The following VRK1 variants were observed in gnomAD, a reference collection of about 807,000 sequenced individuals.
VRK1 encodes the protein serine/threonine-protein kinase VRK1.
VRK1 carries 33 observed loss-of-function variants against 57.1 expected under a neutral mutation model. That is an observed-to-expected ratio of 0.58 (90% CI 0.44 to 0.77). The LOEUF (loss-of-function observed/expected upper bound fraction) is 0.77. Ranked by LOEUF, VRK1 falls within the 30% of genes least tolerant of loss-of-function variation. The pLI is 0.00. For missense variants in VRK1, 413 were observed against 477.3 expected (o/e 0.87, Z 1.25); for synonymous variants, 137 against 147.8 (o/e 0.93, Z 0.53).
chr14:96,856,507 T>G lies in VRK1; in HGVS notation c.831-21T>G. On this transcript the variant is annotated intron_variant, in intron 9 of 12. Transcript: ENST00000216639. ...ACATATGACATCAAGCTTCAGTGAC[T>G]CATTCTTTAATTTTTAACAGATACA... 1.9e-6 allele frequency: 3 copies of G among 1,599,562 alleles called. No individual in the cohort carries two copies. In the South Asian group the frequency reaches 3.3e-5, roughly 18 times the overall value.
chr14:96,820,387 C>A (rs1223282941), intron 1 of VRK1, among the ~76,000 whole-genome samples: 1 of 152,142 alleles, frequency 6.6e-6, no homozygotes, highest in Admixed American at 6.5e-5. Flanking sequence ...TCGATGATTG[C>A]TCTCAATTGA....
At chr14:96,823,315 C>T (rs1056336737) in intron 1 of VRK1, among the ~76,000 whole-genome samples, 13 of 152,336 alleles carry the variant, frequency 8.5e-5, no homozygotes, top group African/African-American at 3.1e-4. Context: ...CAGTGCTTGG[C>T]ACATTGTAGA....
Position 96,846,305 on chromosome 14 carries a change from G to A in VRK1, c.286+141G>A, listed in dbSNP as rs1951311. ...TAAATTCCACTTACATGGGATTTGT[G>A]TGAAAGAATTCTGGTCTTTTAATGG... On this transcript the variant is annotated intron_variant, in intron 4 of 12. Coordinates refer to ENST00000216639, the MANE Select transcript of VRK1 (RefSeq NM_003384.3). The A allele has an allele frequency of 0.62, 478,954 of 777,724 alleles. 152,837 individuals are homozygous for A. The highest frequency in any genetic ancestry group is 0.69 in the African/African-American group (39,435 of 56,882). 48.2% of individuals were successfully genotyped at this position (777,724 alleles called of 1,614,324 possible).
chr14:96,816,348 A>G (rs568161116), intron 1 of VRK1, among the ~76,000 whole-genome samples: 1 of 152,256 alleles, frequency 6.6e-6, no homozygotes, highest in East Asian at 1.9e-4. Context: ...ATGAATGACT[A>G]CCGCTGCTTT....
chr14:96,812,915 T>A (rs908543901), intron 1 of VRK1, among the ~76,000 whole-genome samples: 4 of 152,356 alleles, frequency 2.6e-5, no homozygotes, highest in Non-Finnish European at 5.9e-5. Flanking sequence ...TGCTTGGCTT[T>A]GACTTTAATC....
chr14:96,860,862 T>A lies in VRK1; in HGVS notation c.1068+127T>A, dbSNP rs777462133. On this transcript the variant is annotated intron_variant, in intron 11 of 12. Transcript: ENST00000216639. ...ATTGCATGGCAATTAAGGCAAACAT[T>A]TTTTGTAATACAGAAAATGTGTAGA... 3.3e-6 allele frequency: 3 copies of A among 921,124 alleles called. No homozygotes were observed. In the African/African-American group the frequency reaches 5.0e-5, roughly 16 times the overall value. The allele number at this position is 921,124 out of a possible 1,614,324, so 57.1% of individuals were successfully genotyped here.
chr14:96,856,488 G>T, intron 9 of VRK1, 40 bp from the exon 10 acceptor site: 1 of 1,530,812 alleles, frequency 6.5e-7, no homozygotes, highest in South Asian at 1.1e-5. Flanking sequence ...ATTAACATAT[G>T]ACATCAAGCT....
At chr14:96,819,024 T>C (rs546986309) in intron 1 of VRK1, among the ~76,000 whole-genome samples, 2 of 152,372 alleles carry the variant, frequency 1.3e-5, no homozygotes, top group African/African-American at 4.8e-5. Flanking sequence ...TTTAGATGTA[T>C]TGCTTTCAAA....
At chr14:96,816,211 TCTC>T (rs1475808314) in intron 1 of VRK1, among the ~76,000 whole-genome samples, 1 of 152,120 alleles carries the variant, frequency 6.6e-6, no homozygotes, top group East Asian at 1.9e-4. Context: ...TAGGCCATGT[TCTC>T]CTACTAAACA....
chr14:96,838,664 C>T (rs76586134), intron 3 of VRK1, among the ~76,000 whole-genome samples: 1,622 of 152,250 alleles, frequency 0.011, 24 homozygotes, highest in South Asian at 0.055. Context: ...TTAATTACCT[C>T]CCACCAGCTC....
chr14:96,876,905 G>T (rs1889059342), intron 12 of VRK1, among the ~76,000 whole-genome samples: 1 of 152,102 alleles, frequency 6.6e-6, no homozygotes, highest in Admixed American at 6.5e-5. Context: ...GGCAGCATCT[G>T]CAAAGGGCAG....
At chr14:96,846,804 C>T (rs1887714440) in intron 4 of VRK1, among the ~76,000 whole-genome samples, 1 of 151,042 alleles carries the variant, frequency 6.6e-6, no homozygotes, top group Admixed American at 6.6e-5. Context: ...ATTGACATAG[C>T]ATTTACATTG....
chr14:96,806,440 A>C (rs1885881461), intron 1 of VRK1, among the ~76,000 whole-genome samples: 1 of 152,184 alleles, frequency 6.6e-6, no homozygotes, highest in South Asian at 2.1e-4. Flanking sequence ...CATTGTCCTG[A>C]TACTTGTGGA....
chr14:96,811,022 T>C (rs1469571757), intron 1 of VRK1, among the ~76,000 whole-genome samples: 1 of 152,010 alleles, frequency 6.6e-6, no homozygotes, highest in Admixed American at 6.6e-5. Flanking sequence ...CTCCGCCTCC[T>C]GGGTTCAAGC....
chr14:96,844,534 C>T (rs1887597113), intron 3 of VRK1, among the ~76,000 whole-genome samples: 1 of 152,044 alleles, frequency 6.6e-6, no homozygotes, highest in Non-Finnish European at 1.5e-5. Context: ...AATCCGTTTT[C>T]CTCTAAGTAC....
chr14:96,862,833 T>C lies in VRK1; in HGVS notation c.1068+2098T>C, dbSNP rs117049868. On this transcript the variant is annotated intron_variant, in intron 11 of 12. Transcript: ENST00000216639. The stretch of plus-strand genomic sequence containing the variant: ...AATTTTAATAATTAGTACATTTGTT[T>C]CCTCTCTTTTCGTTTGTCATAATTT... 7.3e-3 allele frequency among the ~76,000 whole-genome samples: 1,112 copies of C among 152,330 alleles called. 10 individuals are homozygous for C. The highest frequency in any genetic ancestry group is 0.014 in the Middle Eastern group (4 of 294).
At chr14:96,877,773 C>G in intron 12 of VRK1, 6 of 717,210 alleles carry the variant, frequency 8.4e-6, no homozygotes, top group Non-Finnish European at 1.0e-5. Flanking sequence ...GCCTGGACAT[C>G]ATTTGTTACC....
intron 1 of VRK1, among the ~76,000 whole-genome samples, chr14:96,808,642 A>G (rs1369558459): frequency 6.6e-6 from 1 of 151,452 alleles, no homozygotes; most frequent in African/African-American, 2.4e-5. Flanking sequence ...GTGTAAATGG[A>G]ATAATGCCCT....
intron 1 of VRK1, among the ~76,000 whole-genome samples, chr14:96,797,734 A>T (rs1035767820): frequency 4.6e-5 from 7 of 152,072 alleles, no homozygotes; most frequent in Admixed American, 2.6e-4. Context: ...CACGTTCTGG[A>T]CGCGCGTGGT....
Sources: gnomAD v4.1 joint callset for allele counts (sites outside exome capture counted in the v4.1 genomes callset) on GRCh38, gnomAD v4.1.1 for gene constraint, MANE v1.5 for transcripts, NCBI Gene and HGNC (gene_info 2026-07-23, HGNC 2026-07-21) for gene names.